The following CYTIP variants were observed in gnomAD, a reference collection of about 807,000 sequenced individuals.
CYTIP encodes cytohesin 1 interacting protein.
A neutral mutation model predicts 43.8 loss-of-function variants in CYTIP; 26 were observed. That is an observed-to-expected ratio of 0.59 (90% confidence interval 0.44 to 0.82). The LOEUF (loss-of-function observed/expected upper bound fraction) is 0.82. Ranked by LOEUF, CYTIP falls within the 40% of genes least tolerant of loss-of-function variation. The pLI, the probability that CYTIP is intolerant of heterozygous loss-of-function variation, is 0.00. For missense variants in CYTIP, 426 were observed against 443.1 expected (o/e 0.96, Z 0.35); for synonymous variants, 162 against 162.9 (o/e 0.99, Z 0.04).
intron 6 of CYTIP, among the ~76,000 whole-genome samples, chr2:157,420,527 A>G (rs1029024376): frequency 6.6e-6 from 1 of 151,904 alleles, no homozygotes; most frequent in Admixed American, 6.6e-5. Flanking sequence ...AAAAATAAAT[A>G]AATAATTTTT....
At chr2:157,428,401 A>C (rs1055211084) in intron 5 of CYTIP, among the ~76,000 whole-genome samples, 2 of 152,228 alleles carry the variant, frequency 1.3e-5, no homozygotes, top group African/African-American at 4.8e-5. Flanking sequence ...GGTGGTAGCA[A>C]GCTATATACT....
chr2:157,424,533 T>C (rs1044223156), intron 6 of CYTIP, among the ~76,000 whole-genome samples: 1 of 151,770 alleles, frequency 6.6e-6, no homozygotes, highest in African/African-American at 2.4e-5. Context: ...ATATATATAA[T>C]GTGCAATCAG....
chr2:157,438,871 A>C (rs1000973584), intron 1 of CYTIP: 1 of 299,800 alleles, frequency 3.3e-6, no homozygotes, highest in South Asian at 2.8e-5. Flanking sequence ...GAGCCTTGTC[A>C]ATTTTAAATA....
chr2:157,419,706 T>G (rs150271783), intron 6 of CYTIP, among the ~76,000 whole-genome samples: 1 of 152,138 alleles, frequency 6.6e-6, no homozygotes, highest in African/African-American at 2.4e-5. Flanking sequence ...GACAGCCTAG[T>G]TGAAACAAGC....
intron 1 of CYTIP, among the ~76,000 whole-genome samples, chr2:157,437,416 C>G (rs1685827861): frequency 6.6e-6 from 1 of 151,752 alleles, no homozygotes; most frequent in Admixed American, 6.6e-5. Flanking sequence ...GGAAGCTATA[C>G]AAGACTGGGC....
intron 2 of CYTIP, 121 bp downstream of exon 2, chr2:157,434,577 T>C (rs1246111188): frequency 1.2e-6 from 1 of 848,380 alleles, no homozygotes; most frequent in Non-Finnish European, 1.9e-6. Flanking sequence ...TCTGTGTGTG[T>C]GCGTCTGTGT....
At chr2:157,440,545 G>T (rs1045167296) in intron 1 of CYTIP, among the ~76,000 whole-genome samples, 2 of 152,070 alleles carry the variant, frequency 1.3e-5, no homozygotes, top group African/African-American at 4.8e-5. Context: ...TGGGAGTTAC[G>T]GCACCTGATG....
intron 6 of CYTIP, among the ~76,000 whole-genome samples, chr2:157,422,670 C>G (rs966338328): frequency 1.5e-5 from 1 of 64,548 alleles, no homozygotes; most frequent in East Asian, 4.5e-4. Context: ...AACTCTGTCT[C>G]AAAAAAAAAA....
rs1307675521 is a variant in CYTIP, at chr2:157,443,987, T to C, written c.34A>G (p.Asn12Asp). 1.4e-5 allele frequency: 22 copies of C among 1,613,996 alleles called. No homozygotes were observed. Among genetic ancestry groups the C allele is most frequent in the Non-Finnish European group, 1.6e-5 (19 of 1,179,952 alleles). The change falls in exon 1 of 8, where the codon AAT becomes GAT. Residue 12 changes from asparagine to aspartate, a missense_variant. Asn to Asp is a conservative substitution (Grantham distance 23). Coordinates refer to ENST00000264192, the MANE Select transcript of CYTIP (RefSeq NM_004288.5). ...GCGCAGAAGTCCGCCAAATTGCCATTGCTGCTGTGTTGCAGGAGCCTTTGT... is the reference window on the plus strand; with the variant it reads ...GCGCAGAAGTCCGCCAAATTGCCATCGCTGCTGTGTTGCAGGAGCCTTTGT... ...SLQRLLQHSS[N>D]GNLADFCAGP...
At chr2:157,423,446 TAA>T (rs1380300099) in intron 6 of CYTIP, among the ~76,000 whole-genome samples, 2 of 138,468 alleles carry the variant, frequency 1.4e-5, no homozygotes, top group Admixed American at 1.4e-4. Context: ...AACAAAAACA[TAA>T]GTCGCTAAAA....
At chr2:157,435,004 G>A (rs7588873) in intron 1 of CYTIP, among the ~76,000 whole-genome samples, 16,174 of 151,764 alleles carry the variant, frequency 0.11, 1,106 homozygotes, top group African/African-American at 0.18. Flanking sequence ...GGAGAGTAGG[G>A]AGACAGGATT....
intron 3 of CYTIP, chr2:157,434,080 GACCTAGCTGATACCA>G (rs1273410293): frequency 1.1e-4 from 50 of 455,754 alleles, no homozygotes; most frequent in African/African-American, 9.7e-4. Flanking sequence ...TCTTATCTAA[GACCTAGCTGATACCA>G]ACCTAGCTGA....
intron 5 of CYTIP, among the ~76,000 whole-genome samples, chr2:157,428,969 A>G (rs928809190): frequency 1.3e-5 from 2 of 152,150 alleles, no homozygotes; most frequent in Non-Finnish European, 2.9e-5. Flanking sequence ...AGGTGGTCAA[A>G]CCCCAGCCCT....
chr2:157,426,825 T>A (rs1685616100), intron 6 of CYTIP, among the ~76,000 whole-genome samples: 1 of 152,196 alleles, frequency 6.6e-6, no homozygotes, highest in South Asian at 2.1e-4. Context: ...TCCTGCATTA[T>A]TTACTATCTC....
chr2:157,434,159 T>C, intron 3 of CYTIP: 1 of 598,552 alleles, frequency 1.7e-6, no homozygotes, highest in Non-Finnish European at 3.0e-6. Flanking sequence ...CTGCTGAGCA[T>C]ATCGCAGAGG....
chr2:157,424,269 G>C (rs1685567744), intron 6 of CYTIP, among the ~76,000 whole-genome samples: 1 of 152,052 alleles, frequency 6.6e-6, no homozygotes, highest in South Asian at 2.1e-4. Flanking sequence ...TTTGAATATA[G>C]TCACAGCACA....
intron 7 of CYTIP, among the ~76,000 whole-genome samples, chr2:157,416,831 T>C (rs1403788282): frequency 1.3e-5 from 2 of 152,286 alleles, no homozygotes; most frequent in East Asian, 1.9e-4. Flanking sequence ...TTGAAGAAAT[T>C]GAATTTTATC....
Position 157,416,501 on chromosome 2 carries a change from C to T in CYTIP, c.614-358G>A, listed in dbSNP as rs559617566. 4.7e-4 allele frequency among the ~76,000 whole-genome samples: 72 copies of T among 152,282 alleles called. 1 individual carries two copies. The South Asian group carries it at 0.015, about 31-fold the overall frequency. On this transcript the variant is annotated intron_variant, in intron 7 of 7. Coordinates refer to ENST00000264192, the MANE Select transcript of CYTIP (RefSeq NM_004288.5). Reference sequence around the variant, plus strand: ...TCTTAAATTTAAATAACCCTGAAACCTTTTATTAAAATTCTCACAGAAATG... The same window carrying T: ...TCTTAAATTTAAATAACCCTGAAACTTTTTATTAAAATTCTCACAGAAATG...
intron 7 of CYTIP, among the ~76,000 whole-genome samples, chr2:157,416,658 T>G (rs1685444165): frequency 6.6e-6 from 1 of 152,152 alleles, no homozygotes; most frequent in Admixed American, 6.5e-5. Flanking sequence ...TAGAAAACAG[T>G]TATGGAACAG....
Sources: allele counts gnomAD v4.1 joint callset (sites outside exome capture counted in the v4.1 genomes callset), GRCh38; gene constraint gnomAD v4.1.1; transcripts MANE v1.5; gene names NCBI Gene and HGNC (gene_info 2026-07-23, HGNC 2026-07-21).